Variants in ACOT7 observed in about 807,000 individuals in gnomAD.
ACOT7 encodes the protein cytosolic acyl coenzyme A thioester hydrolase.
ACOT7 carries 12 observed loss-of-function variants against 40.2 expected under a neutral mutation model. The observed-to-expected ratio is 0.30, with a 90% CI of 0.19 to 0.48. The LOEUF is 0.48. Among genes scored for constraint, ACOT7 ranks in the 20% least tolerant of loss-of-function variants. The pLI, the probability that ACOT7 is intolerant of heterozygous loss-of-function variation, is 0.99. For missense variants in ACOT7, 395 were observed against 530.8 expected, an observed-to-expected ratio of 0.74 and a Z score of 2.51; for synonymous variants, 228 against 219.5, an observed-to-expected ratio of 1.04 and a Z score of -0.34.
chr1:6,275,239 T>C lies in ACOT7; in HGVS notation c.1014+5863A>G, dbSNP rs1571260428. On this transcript the variant is annotated intron_variant, in intron 8 of 8. Transcript: ENST00000361521. This position sits in a 1 kb window ranked among gnomAD's most constrained non-coding sequence, Gnocchi z 5.6. ...AGCCTCTGCATCCAGCTGCCCTGGC[T>C]TCCTAACCAGAAAACAAACCTGCTG... 6.6e-6 allele frequency among the ~76,000 whole-genome samples: 1 copy of C among 152,208 alleles called. No homozygotes were observed. Among genetic ancestry groups the C allele is most frequent in the East Asian group, 1.9e-4 (1 of 5,194 alleles).
intron 8 of ACOT7, among the ~76,000 whole-genome samples, chr1:6,271,788 C>T (rs564493643): frequency 6.6e-6 from 1 of 152,392 alleles, no homozygotes; most frequent in East Asian, 1.9e-4. Flanking sequence ...AGGGGCTCCC[C>T]TCACCCAGCA....
intron 7 of ACOT7, among the ~76,000 whole-genome samples, chr1:6,291,769 G>A (rs977383634): frequency 6.6e-6 from 1 of 152,156 alleles, no homozygotes; most frequent in Non-Finnish European, 1.5e-5. Context: ...CCCCAGCAGA[G>A]TCCATGAGAA....
At chr1:6,357,681 G>A (rs896182053) in intron 1 of ACOT7, among the ~76,000 whole-genome samples, 7 of 152,178 alleles carry the variant, frequency 4.6e-5, no homozygotes, top group Admixed American at 6.5e-5. Flanking sequence ...TGCCCTTCCC[G>A]GAAGGAAAGG....
Position 6,338,164 on chromosome 1 carries a change from G to A in ACOT7, c.418+1269C>T, listed in dbSNP as rs1349828839. Among the ~76,000 whole-genome samples the A allele has an allele frequency of 6.6e-6, 1 of 152,196 alleles. No individual in the cohort carries two copies. The highest frequency in any genetic ancestry group is 2.4e-5 in the African/African-American group (1 of 41,446). On this transcript the variant is annotated intron_variant, in intron 3 of 8. Coordinates refer to ENST00000361521, the MANE Select transcript of ACOT7 (RefSeq NM_007274.4). The surrounding 1 kb of genome is among the most constrained non-coding windows in gnomAD (Gnocchi z 4.4). ...AACTCCTGCAATGACAAAGGGCACTGCTGACTGGGCCCTCACAAGCAGGAA... is the reference window on the plus strand; with the variant it reads ...AACTCCTGCAATGACAAAGGGCACTACTGACTGGGCCCTCACAAGCAGGAA...
chr1:6,360,508 C>T (rs947001576), intron 1 of ACOT7: 2 of 1,598,778 alleles, frequency 1.3e-6, no homozygotes, highest in Non-Finnish European at 1.7e-6. Flanking sequence ...ACAGGTCCTC[C>T]CAAACACACT....
At chr1:6,313,226 C>T (rs898626960) in intron 6 of ACOT7, among the ~76,000 whole-genome samples, 1 of 152,154 alleles carries the variant, frequency 6.6e-6, no homozygotes, top group African/African-American at 2.4e-5. Flanking sequence ...GATTTGCTAT[C>T]CAGATAAATG....
intron 1 of ACOT7, among the ~76,000 whole-genome samples, chr1:6,387,298 T>C (rs1557677034): frequency 6.6e-6 from 1 of 152,096 alleles, no homozygotes; most frequent in African/African-American, 2.4e-5. Context: ...TGTGTATGCA[T>C]TCTAAATCTA....
Position 6,264,317 on chromosome 1 carries a change from A to G in ACOT7, c.*280T>C, listed in dbSNP as rs1205955927. ...ATTAGTGGTGCTGGGTTCTTCCCAT[A>G]CCCTACAGCGTGCTCGGAAGCATTC... is the stretch of plus-strand genomic sequence containing the variant. On this transcript the variant is annotated 3_prime_UTR_variant, in exon 9 of 9. Coordinates refer to ENST00000361521, the MANE Select transcript of ACOT7 (RefSeq NM_007274.4). 9.4e-6 allele frequency: 4 copies of G among 427,366 alleles called. No individual in the cohort carries two copies. In the South Asian group the frequency reaches 1.1e-4, roughly 12 times the overall value. 26.5% of individuals were successfully genotyped at this position (427,366 alleles called of 1,614,324 possible). A position where few individuals can be genotyped will look rare whatever the true frequency, so the allele number is the denominator to read the frequency against.
intron 2 of ACOT7, among the ~76,000 whole-genome samples, chr1:6,347,122 G>T (rs1213943157): frequency 6.6e-6 from 1 of 152,086 alleles, no homozygotes; most frequent in Non-Finnish European, 1.5e-5. Flanking sequence ...GGATGCGGGG[G>T]TCCCCTGCCC....
rs915881882 is a variant in ACOT7 at position 6,278,619 on chromosome 1, G to A, written c.1014+2483C>T. On this transcript the variant is annotated intron_variant, in intron 8 of 8. Coordinates refer to ENST00000361521, the MANE Select transcript of ACOT7 (RefSeq NM_007274.4). The surrounding 1 kb of genome is among the most constrained non-coding windows in gnomAD (Gnocchi z 4.1). ...GATGCTTTTGGGAACCCTGTTGAGG[G>A]GCAGCACTGGCCAAGTCAATTTGGG... is the stretch of plus-strand genomic sequence containing the variant. 4.6e-5 allele frequency among the ~76,000 whole-genome samples: 7 copies of A among 152,202 alleles called. No individual in the cohort carries two copies. The highest frequency in any genetic ancestry group is 1.4e-4 in the African/African-American group (6 of 41,446).
chr1:6,377,274 G>A (rs372526324), intron 1 of ACOT7, among the ~76,000 whole-genome samples: 2 of 152,078 alleles, frequency 1.3e-5, no homozygotes, highest in African/African-American at 2.4e-5. Flanking sequence ...GGTAGCTCAC[G>A]CTTATAATCC....
intron 2 of ACOT7, among the ~76,000 whole-genome samples, chr1:6,345,202 G>A (rs1433457221): frequency 3.9e-5 from 6 of 152,218 alleles, no homozygotes; most frequent in African/African-American, 9.6e-5. Context: ...ACAGAGACAC[G>A]AGCTCCTGAT....
At position 6,282,700 on chromosome 1, in the gene ACOT7, T is replaced by C. The variant is rs1329171279; in HGVS notation, c.830-1414A>G. The C allele has an allele frequency of 3.1e-6, 4 of 1,300,730 alleles. No homozygotes were observed. Among genetic ancestry groups the C allele is most frequent in the African/African-American group, 1.5e-5 (1 of 65,830 alleles). The allele number at this position is 1,300,730 out of a possible 1,614,324, so 80.6% of individuals were successfully genotyped here. Reference sequence around the variant, plus strand: ...TGTTAAAAAGTATCAGAACGATCCATGCTACATTCAACTTCATACTTACAG... The same window carrying C: ...TGTTAAAAAGTATCAGAACGATCCACGCTACATTCAACTTCATACTTACAG... On this transcript the variant is annotated intron_variant, in intron 7 of 8. Transcript: ENST00000361521. This position sits in a 1 kb window ranked among gnomAD's most constrained non-coding sequence, Gnocchi z 4.5.
chr1:6,366,362 C>T (rs895444994), intron 1 of ACOT7, among the ~76,000 whole-genome samples: 15 of 151,856 alleles, frequency 9.9e-5, no homozygotes, highest in Non-Finnish European at 1.8e-4. Flanking sequence ...GTGGGAGAAT[C>T]GCTTGTGCCC....
At chr1:6,265,056 C>T (rs1638779541) in intron 8 of ACOT7, among the ~76,000 whole-genome samples, 1 of 152,210 alleles carries the variant, frequency 6.6e-6, no homozygotes, top group Admixed American at 6.5e-5. Context: ...CCACCTTTCA[C>T]AGCAGGTGAC....
At chr1:6,286,916 G>T (rs943753464) in intron 7 of ACOT7, among the ~76,000 whole-genome samples, 2 of 152,184 alleles carry the variant, frequency 1.3e-5, no homozygotes. Flanking sequence ...GCTTGCAGGG[G>T]GTAAAAGGAA....
At position 6,380,713 on chromosome 1, in the gene ACOT7, CA is replaced by C. The variant is rs61258408; in HGVS notation, c.143+12543del. On this transcript the variant is annotated intron_variant, in intron 1 of 8. Transcript: ENST00000361521. ...TTGCACCTTTACCTAATAGCATATA[CA>C]AAAAAAAAAAAAAACTCAAAATGGA... 1.3e-3 allele frequency among the ~76,000 whole-genome samples: 141 copies of C among 105,914 alleles called. No individual in the cohort carries two copies. In the East Asian group the frequency reaches 0.014, roughly 10 times the overall value. The allele number at this position is 105,914 out of a possible 152,430, so 69.5% of individuals were successfully genotyped here. A position where few individuals can be genotyped will look rare whatever the true frequency, so the allele number is the denominator to read the frequency against.
rs777415998 is a variant in ACOT7, at chr1:6,327,261, G to A, written c.625+38C>T. 17 of 1,602,110 alleles carry A rather than the reference G, an allele frequency of 1.1e-5. No individual in the cohort carries two copies. In the South Asian group the frequency reaches 1.4e-4, roughly 14 times the overall value. On this transcript the variant is annotated intron_variant, in intron 5 of 8. Transcript: ENST00000361521. Reference sequence around the variant, plus strand: ...CTCCTGCCTCCTATGCGTCCCCGGTGAGGAGTGGCACCTGCTGCTGGTGTC... The same window carrying A: ...CTCCTGCCTCCTATGCGTCCCCGGTAAGGAGTGGCACCTGCTGCTGGTGTC...
intron 7 of ACOT7, among the ~76,000 whole-genome samples, chr1:6,293,873 A>C (rs1274685860): frequency 1.3e-5 from 2 of 152,178 alleles, no homozygotes; most frequent in Non-Finnish European, 2.9e-5. Flanking sequence ...GCCCTAGTCC[A>C]GGGTCTCCCA....
Sources: gnomAD v4.1 joint callset for allele counts (sites outside exome capture counted in the v4.1 genomes callset) on GRCh38, gnomAD v4.1.1 for gene constraint, Gnocchi (gnomAD v3.1) non-coding constraint, MANE v1.5 for transcripts, NCBI Gene and HGNC (gene_info 2026-07-23, HGNC 2026-07-21) for gene names.